Variants in STAT5B observed in about 807,000 individuals in gnomAD.
The protein encoded by STAT5B is signal transducer and activator of transcription 5B.
In STAT5B, 21 loss-of-function variants were observed where a neutral mutation model predicts 107.8. The ratio of observed to expected loss-of-function variants is 0.19; its 90% confidence interval spans 0.14 to 0.28. STAT5B has a LOEUF of 0.28. STAT5B is among the 10% of genes least tolerant of loss of function. The pLI, the probability that STAT5B is intolerant of heterozygous loss-of-function variation, is 1.00. For missense variants in STAT5B, 565 were observed against 1,008.2 expected (o/e 0.56, Z 5.95); for synonymous variants, 325 against 401.7 (o/e 0.81, Z 2.28).
chr17:42,275,046 TC>T (rs2144445641), intron 1 of STAT5B: 1 of 152,336 alleles, frequency 6.6e-6, no homozygotes, highest in South Asian at 2.1e-4. Flanking sequence ...TAGGCAAAGA[TC>T]TGTATACTGC....
chr17:42,233,701 AGGATG>A (rs1179521555), intron 1 of STAT5B: 1 of 152,218 alleles, frequency 6.6e-6, no homozygotes, highest in Non-Finnish European at 1.5e-5. Context: ...CGTGTTAGCC[AGGATG>A]GTCTCGATAT....
intron 4 of STAT5B, 120 bp downstream of exon 4, chr17:42,224,659 A>T: frequency 4.1e-6 from 4 of 967,568 alleles, no homozygotes; most frequent in Non-Finnish European, 4.8e-6. Context: ...CTTAGGATGA[A>T]GCTCTCTTTA....
intron 16 of STAT5B, among the ~76,000 whole-genome samples, chr17:42,206,358 G>C (rs893139748): frequency 6.6e-6 from 1 of 152,066 alleles, no homozygotes; most frequent in Non-Finnish European, 1.5e-5. Context: ...CCAAAAGTCT[G>C]GGATTACAGG....
At chr17:42,264,061 T>A (rs2080644710) in intron 1 of STAT5B, among the ~76,000 whole-genome samples, 1 of 152,142 alleles carries the variant, frequency 6.6e-6, no homozygotes, top group Non-Finnish European at 1.5e-5. Flanking sequence ...ATAACATAAT[T>A]TAAATAGCTG....
At chr17:42,261,657 C>A (rs558124008) in intron 1 of STAT5B, among the ~76,000 whole-genome samples, 33 of 152,268 alleles carry the variant, frequency 2.2e-4, no homozygotes, top group Non-Finnish European at 3.7e-4. Flanking sequence ...GCCTCCTGGG[C>A]TCAAGCCATC....
upstream of STAT5B, among the ~76,000 whole-genome samples, chr17:42,278,177 CCTT>C (rs748976221): frequency 2.0e-5 from 3 of 152,192 alleles, no homozygotes; most frequent in Non-Finnish European, 4.4e-5. Flanking sequence ...TGACCTCCCT[CCTT>C]GTTTCCCACC....
intron 1 of STAT5B, chr17:42,272,399 T>G (rs908052628): frequency 6.6e-6 from 1 of 152,216 alleles, no homozygotes; most frequent in Non-Finnish European, 1.5e-5. Flanking sequence ...AGGCTCTACA[T>G]AACATGTTTC....
chr17:42,204,422 G>A (rs986413464), intron 16 of STAT5B, among the ~76,000 whole-genome samples: 1 of 152,210 alleles, frequency 6.6e-6, no homozygotes. Flanking sequence ...TATAGGACAA[G>A]GAGCTTGTCA....
At chr17:42,239,333 G>A (rs1051063471) in intron 1 of STAT5B, among the ~76,000 whole-genome samples, 1 of 151,344 alleles carries the variant, frequency 6.6e-6, no homozygotes, top group East Asian at 1.9e-4. Context: ...TAAGCCAGCA[G>A]GGAGCCATGC....
intron 1 of STAT5B, among the ~76,000 whole-genome samples, chr17:42,248,324 CAT>C (rs909696200): frequency 1.3e-4 from 18 of 135,532 alleles, no homozygotes; most frequent in African/African-American, 4.9e-4. Flanking sequence ...GAAGAAATGA[CAT>C]TTAATAAGAG....
chr17:42,287,348 T>A, the STAT5B span, among the ~76,000 whole-genome samples: 1 of 146,396 alleles, frequency 6.8e-6, no homozygotes, highest in East Asian at 2.1e-4. Context: ...CAACAGAACA[T>A]GCAGTCTTGG....
At chr17:42,232,183 C>T in intron 1 of STAT5B, 46 bp from the exon 2 acceptor site, 1 of 1,600,072 alleles carries the variant, frequency 6.2e-7, no homozygotes, top group Non-Finnish European at 8.5e-7. Flanking sequence ...TCTTTATTTT[C>T]CCCTTACATC....
chr17:42,227,407 C>T (rs2080282611), intron 3 of STAT5B, 122 bp downstream of exon 3: 1 of 1,311,286 alleles, frequency 7.6e-7, no homozygotes, highest in Non-Finnish European at 1.0e-6. Flanking sequence ...CAAAACCACA[C>T]AACAAGAACC....
intron 1 of STAT5B, among the ~76,000 whole-genome samples, chr17:42,256,272 C>T (rs551756919): frequency 5.9e-5 from 9 of 152,070 alleles, no homozygotes; most frequent in Non-Finnish European, 8.8e-5. Context: ...TTTGAGACAG[C>T]GTCTCACTCT....
chr17:42,242,608 C>A, intron 1 of STAT5B, among the ~76,000 whole-genome samples: 1 of 126,958 alleles, frequency 7.9e-6, no homozygotes, highest in East Asian at 2.9e-4. Context: ...CACCCCCCAC[C>A]CAAAACAGGT....
At chr17:42,227,060 G>A (rs1428089111) in intron 3 of STAT5B, among the ~76,000 whole-genome samples, 11 of 150,544 alleles carry the variant, frequency 7.3e-5, no homozygotes, top group African/African-American at 2.4e-4. Context: ...GCTTGAACCC[G>A]GGAGGCAGAG....
At chr17:42,216,169 T>A (rs2080170412) in intron 11 of STAT5B, 63 bp from the exon 12 acceptor site, 9 of 1,419,828 alleles carry the variant, frequency 6.3e-6, no homozygotes, top group Non-Finnish European at 8.6e-6. Context: ...TTCTCTCTTT[T>A]TTTTTTTTCT....
intron 12 of STAT5B, 92 bp from the exon 13 acceptor site, chr17:42,212,282 G>A: frequency 1.3e-6 from 2 of 1,592,482 alleles, no homozygotes; most frequent in South Asian, 1.1e-5. Context: ...GGCTGGGAGT[G>A]GTTACACACA....
intron 13 of STAT5B, among the ~76,000 whole-genome samples, chr17:42,211,177 C>CA (rs774245622): frequency 6.6e-6 from 1 of 151,660 alleles, no homozygotes; most frequent in South Asian, 2.1e-4. Flanking sequence ...CTCCTTGTGA[C>CA]AGAGCGAGAC....
Sources: allele counts gnomAD v4.1 joint callset (sites outside exome capture counted in the v4.1 genomes callset), GRCh38; gene constraint gnomAD v4.1.1; transcripts MANE v1.5; gene names NCBI Gene and HGNC (gene_info 2026-07-23, HGNC 2026-07-21).